LHFPL3: variants seen among roughly 807,000 people sequenced by gnomAD.
LHFPL3 encodes the protein LHFPL tetraspan subfamily member 3.
Under a neutral mutation model 19.3 loss-of-function variants are expected in LHFPL3, and 5 were observed. The ratio of observed to expected loss-of-function variants is 0.26; its 90% confidence interval spans 0.14 to 0.54. The LOEUF (loss-of-function observed/expected upper bound fraction) is 0.54. LHFPL3 is among the 20% of genes least tolerant of loss of function. The pLI, the probability that LHFPL3 is intolerant of heterozygous loss-of-function variation, is 0.94. For synonymous variants in LHFPL3, 133 were observed against 126.2 expected (o/e 1.05, Z -0.36); for missense variants, 249 against 307.4 (o/e 0.81, Z 1.42).
At chr7:104,486,904 A>G (rs1327977394) in intron 1 of LHFPL3, among the ~76,000 whole-genome samples, 2 of 151,700 alleles carry the variant, frequency 1.3e-5, no homozygotes, top group Non-Finnish European at 2.9e-5. Flanking sequence ...CACTTTTCTT[A>G]TTTATTGCTA....
intron 2 of LHFPL3, among the ~76,000 whole-genome samples, chr7:104,781,591 A>G (rs1406429091): frequency 6.6e-6 from 1 of 151,960 alleles, no homozygotes; most frequent in East Asian, 1.9e-4. Flanking sequence ...CCTTTTCTCA[A>G]CCTGCATCTA....
intron 1 of LHFPL3, among the ~76,000 whole-genome samples, chr7:104,330,106 A>C (rs1031673923): frequency 1.3e-5 from 2 of 152,224 alleles, no homozygotes; most frequent in African/African-American, 4.8e-5. Flanking sequence ...CTTTTAACCC[A>C]GAAAGGATGG....
At chr7:104,533,776 G>A (rs1328270755) in intron 1 of LHFPL3, among the ~76,000 whole-genome samples, 1 of 152,190 alleles carries the variant, frequency 6.6e-6, no homozygotes, top group African/African-American at 2.4e-5. Context: ...ATCTCTGCTA[G>A]TTTCGTGATC....
At chr7:104,436,145 GATA>G in intron 1 of LHFPL3, among the ~76,000 whole-genome samples, 1 of 152,206 alleles carries the variant, frequency 6.6e-6, no homozygotes, top group South Asian at 2.1e-4. Flanking sequence ...ATGTTGAAAG[GATA>G]ATATTTTGGA....
intron 2 of LHFPL3, among the ~76,000 whole-genome samples, chr7:104,844,279 G>T (rs1791271329): frequency 6.6e-6 from 1 of 152,238 alleles, no homozygotes; most frequent in Non-Finnish European, 1.5e-5. Context: ...GCACCAGATG[G>T]AGGCAATTGA....
chr7:104,736,670 C>A lies in LHFPL3; in HGVS notation c.446-5C>A, dbSNP rs1793828824. 6.2e-7 allele frequency: 1 copy of A among 1,600,018 alleles called. No homozygotes were observed. Among genetic ancestry groups the A allele is most frequent in the East Asian group, 2.2e-5 (1 of 44,658 alleles). ...TTCTTTTGTTTTTCTCTCTTTCTCT[C>A]CAAGCTGCCTGCCTTGTGCTTGGCT... On this transcript the variant is annotated splice_polypyrimidine_tract_variant and splice_region_variant and intron_variant, in intron 1 of 2. Transcript: ENST00000424859.
intron 2 of LHFPL3, chr7:104,895,824 A>G (rs2116715547): frequency 6.6e-6 from 1 of 152,286 alleles, no homozygotes; most frequent in South Asian, 2.1e-4. Context: ...AAAAATGAAA[A>G]CATTGGAACC....
At chr7:104,569,042 A>G (rs1790177489) in intron 1 of LHFPL3, among the ~76,000 whole-genome samples, 1 of 152,254 alleles carries the variant, frequency 6.6e-6, no homozygotes, top group South Asian at 2.1e-4. Context: ...AGAGGATTCA[A>G]AAACCTCTAA....
intron 2 of LHFPL3, among the ~76,000 whole-genome samples, chr7:104,867,236 G>C (rs926567861): frequency 9.2e-5 from 14 of 152,032 alleles, no homozygotes; most frequent in Admixed American, 5.2e-4. Flanking sequence ...CAGAGCAGAA[G>C]TCAAGGAGAT....
intron 1 of LHFPL3, among the ~76,000 whole-genome samples, chr7:104,468,279 G>T (rs578237150): frequency 1.3e-5 from 2 of 152,270 alleles, no homozygotes; most frequent in East Asian, 3.9e-4. Context: ...ACCAAAACTC[G>T]TATGAGGGTG....
chr7:104,763,294 A>C (rs1485221785), intron 2 of LHFPL3, among the ~76,000 whole-genome samples: 5 of 152,178 alleles, frequency 3.3e-5, no homozygotes, highest in Non-Finnish European at 5.9e-5. Flanking sequence ...GGGAATCCCC[A>C]GATATCTCGT....
intron 1 of LHFPL3, among the ~76,000 whole-genome samples, chr7:104,608,555 G>C (rs576326981): frequency 8.6e-5 from 13 of 151,134 alleles, no homozygotes; most frequent in African/African-American, 2.9e-4. Flanking sequence ...TAAATGACGA[G>C]TTAATGGGTG....
At chr7:104,591,576 T>C (rs1790723994) in intron 1 of LHFPL3, among the ~76,000 whole-genome samples, 1 of 152,214 alleles carries the variant, frequency 6.6e-6, no homozygotes, top group Non-Finnish European at 1.5e-5. Context: ...CTTTGGTGAA[T>C]CTGACAATTA....
At chr7:104,856,477 T>C (rs911899361) in intron 2 of LHFPL3, among the ~76,000 whole-genome samples, 1 of 151,962 alleles carries the variant, frequency 6.6e-6, no homozygotes, top group African/African-American at 2.4e-5. Context: ...CTCAAACTCC[T>C]GACCTCGTGA....
At chr7:104,400,802 T>A (rs572467683) in intron 1 of LHFPL3, among the ~76,000 whole-genome samples, 23 of 152,188 alleles carry the variant, frequency 1.5e-4, no homozygotes, top group Non-Finnish European at 3.2e-4. Flanking sequence ...CTCCTCTTTC[T>A]CCACACTTTT....
intron 2 of LHFPL3, among the ~76,000 whole-genome samples, chr7:104,755,601 C>CACAG (rs1333540754): frequency 6.6e-6 from 1 of 151,600 alleles, no homozygotes. Context: ...CACACACACA[C>CACAG]AGAGAGAAAC....
At chr7:104,823,122 G>A (rs953562690) in intron 2 of LHFPL3, among the ~76,000 whole-genome samples, 1 of 152,122 alleles carries the variant, frequency 6.6e-6, no homozygotes, top group Non-Finnish European at 1.5e-5. Context: ...ACACAGGGAA[G>A]GCCCGAGAAT....
At chr7:104,491,730 A>G (rs1381390578) in intron 1 of LHFPL3, among the ~76,000 whole-genome samples, 5 of 152,256 alleles carry the variant, frequency 3.3e-5, no homozygotes, top group Admixed American at 6.5e-5. Flanking sequence ...ATAAAAGCAC[A>G]GAATTATAAT....
At chr7:104,779,264 G>A (rs1794680724) in intron 2 of LHFPL3, among the ~76,000 whole-genome samples, 1 of 152,188 alleles carries the variant, frequency 6.6e-6, no homozygotes, top group South Asian at 2.1e-4. Flanking sequence ...AGCAGTGTGT[G>A]ATGCACAGGA....
Sources: gnomAD v4.1 joint callset for allele counts (sites outside exome capture counted in the v4.1 genomes callset) on GRCh38, gnomAD v4.1.1 for gene constraint, MANE v1.5 for transcripts, NCBI Gene and HGNC (gene_info 2026-07-23, HGNC 2026-07-21) for gene names.